CEACAM7: variants seen among roughly 807,000 people sequenced by gnomAD.
The protein encoded by CEACAM7 is CEA cell adhesion molecule 7.
In CEACAM7, 24 loss-of-function variants were observed where a neutral mutation model predicts 25.7. The observed-to-expected ratio is 0.93, with a 90% CI of 0.68 to 1.31. The LOEUF is 1.31. CEACAM7 is among the 40% of genes most tolerant of loss of function. The probability of loss-of-function intolerance (pLI) is 0.00; values close to 1 mark genes in which losing one functional copy is unlikely to be tolerated. For missense variants in CEACAM7, 324 were observed against 330.1 expected, an observed-to-expected ratio of 0.98 and a Z score of 0.14; for synonymous variants, 144 against 129.4, an observed-to-expected ratio of 1.11 and a Z score of -0.77.
At chr19:41,686,781 C>A (rs1290522931) in intron 2 of CEACAM7, 78 bp downstream of exon 2, 1 of 1,449,964 alleles carries the variant, frequency 6.9e-7, no homozygotes, top group African/African-American at 1.4e-5. Context: ...GACACAGGCA[C>A]AACCCAGGCC....
rs896288188 is a variant in CEACAM7 at position 41,678,240 on chromosome 19, T to C, written c.707-737A>G. Among the ~76,000 whole-genome samples the C allele has an allele frequency of 3.9e-5, 6 of 152,226 alleles. No homozygotes were observed. In the East Asian group the frequency reaches 1.2e-3, roughly 29 times the overall value. ...GCTTGAGACTTCATATTTAACTCTG[T>C]TCTTTTCCCTCTCCCATATTAATCA... On this transcript the variant is annotated intron_variant, in intron 3 of 4. Coordinates refer to ENST00000401731, the MANE Select transcript of CEACAM7 (RefSeq NM_001291485.2).
intron 3 of CEACAM7, among the ~76,000 whole-genome samples, chr19:41,678,086 T>C (rs1555810320): frequency 1.3e-5 from 2 of 152,176 alleles, no homozygotes; most frequent in Non-Finnish European, 2.9e-5. Flanking sequence ...TGCATCATGA[T>C]CTGAGGGCTC....
chr19:41,685,349 C>T (rs1437917923), intron 2 of CEACAM7, among the ~76,000 whole-genome samples: 3 of 128,078 alleles, frequency 2.3e-5, no homozygotes, highest in Non-Finnish European at 5.2e-5. Flanking sequence ...CTATGTTGCC[C>T]AGGCTGGTCT....
rs2072085107 is a variant in CEACAM7 at position 41,673,467 on chromosome 19, T to G, written c.*1309A>C. ...TATAAATAAATTGATTTAAATAAACTGATTGGTTAATTTCAGAATACTTCA... is the reference window on the plus strand; with the variant it reads ...TATAAATAAATTGATTTAAATAAACGGATTGGTTAATTTCAGAATACTTCA... On this transcript the variant is annotated 3_prime_UTR_variant, in exon 5 of 5. Transcript: ENST00000401731. 6.6e-6 allele frequency: 1 copy of G among 152,222 alleles called. No individual in the cohort carries two copies. The highest frequency in any genetic ancestry group is 1.5e-5 in the Non-Finnish European group (1 of 68,040). 9.4% of individuals were successfully genotyped at this position (152,222 alleles called of 1,614,324 possible). A position where few individuals can be genotyped will look rare whatever the true frequency, so the allele number is the denominator to read the frequency against.
intron 4 of CEACAM7, among the ~76,000 whole-genome samples, chr19:41,676,517 C>T (rs2072115111): frequency 6.6e-6 from 1 of 152,200 alleles, no homozygotes; most frequent in African/African-American, 2.4e-5. Flanking sequence ...TGAGCCAATG[C>T]ACCTGGCCCT....
In CEACAM7 at chr19:41,680,950, A is replaced by G. The variant is rs1485653320; in HGVS notation, c.706+2835T>C. On this transcript the variant is annotated intron_variant, in intron 3 of 4. Transcript: ENST00000401731. Reference sequence around the variant, plus strand: ...TCATAAAAAATAAGATCTTCTCTACATCAAAGGACATTATCCAGAAAGTGA... The same window carrying G: ...TCATAAAAAATAAGATCTTCTCTACGTCAAAGGACATTATCCAGAAAGTGA... Among the ~76,000 whole-genome samples, 6 of 152,180 alleles carry G rather than the reference A, an allele frequency of 3.9e-5. No individual in the cohort carries two copies. The East Asian group carries it at 1.2e-3, about 29-fold the overall frequency.
chr19:41,685,856 T>C (rs1555811137), intron 2 of CEACAM7, among the ~76,000 whole-genome samples: 1 of 152,180 alleles, frequency 6.6e-6, no homozygotes, highest in African/African-American at 2.4e-5. Context: ...CACTTCTGGC[T>C]TGGATGCCTA....
At chr19:41,678,524 G>A (rs1299733239) in intron 3 of CEACAM7, among the ~76,000 whole-genome samples, 1 of 152,078 alleles carries the variant, frequency 6.6e-6, no homozygotes, top group Non-Finnish European at 1.5e-5. Context: ...AGCTACTGTT[G>A]AGGGGTGCTT....
chr19:41,688,263 A>G lies in CEACAM7; in HGVS notation c.-98T>C. 1 of 1,494,910 alleles carries G rather than the reference A, an allele frequency of 6.7e-7. No individual in the cohort carries two copies. Among genetic ancestry groups the G allele is most frequent in the South Asian group, 1.3e-5 (1 of 76,194 alleles). The allele number at this position is 1,494,910 out of a possible 1,614,324, so 92.6% of individuals were successfully genotyped here. On this transcript the variant is annotated 5_prime_UTR_variant, in exon 1 of 5. Coordinates refer to ENST00000401731, the MANE Select transcript of CEACAM7 (RefSeq NM_001291485.2). ...GACTGTCAGCTCTGCTGTCCTTCCT[A>G]CCTCTGTGCTGAGCCTCCTCCCAGG...
intron 2 of CEACAM7, 69 bp from the exon 3 acceptor site, chr19:41,684,132 T>C: frequency 6.4e-7 from 1 of 1,559,880 alleles, no homozygotes; most frequent in Non-Finnish European, 8.7e-7. Flanking sequence ...CATCTTTCAA[T>C]CAGAGTTGGC....
In CEACAM7 at chr19:41,674,126, C is replaced by A. The variant is rs1336760446; in HGVS notation, c.*650G>T. The A allele has an allele frequency of 6.6e-6, 1 of 152,242 alleles. No individual in the cohort carries two copies. Among genetic ancestry groups the A allele is most frequent in the Non-Finnish European group, 1.5e-5 (1 of 68,050 alleles). 9.4% of individuals were successfully genotyped at this position (152,242 alleles called of 1,614,324 possible). A position where few individuals can be genotyped will look rare whatever the true frequency, so the allele number is the denominator to read the frequency against. On this transcript the variant is annotated 3_prime_UTR_variant, in exon 5 of 5. Transcript: ENST00000401731. ...GCAACTGCACAAACTCCTCCCTGTT[C>A]AGCTAGTAGGCAGCAATTCTGTTAT...
At chr19:41,684,413 G>C (rs1555811025) in intron 2 of CEACAM7, among the ~76,000 whole-genome samples, 2 of 152,178 alleles carry the variant, frequency 1.3e-5, no homozygotes, top group Non-Finnish European at 2.9e-5. Flanking sequence ...GAATGGGCAG[G>C]AGCTGAGTTC....
rs782814627 is a variant in CEACAM7, at chr19:41,687,202, C to G, written c.84G>C (p.Trp28Cys). The G allele has an allele frequency of 2.1e-5, 34 of 1,605,006 alleles. No homozygotes were observed. The highest frequency in any genetic ancestry group is 2.7e-5 in the Non-Finnish European group (32 of 1,174,842). ...TGGTCTGGGCACTGTTTGGCAGGTT[C>G]CAGAAGGTTAAAAGCGAGGCTAGGA... ...LLLTASLLTF[W>C]NLPNSAQTNI... Residue 28 changes from tryptophan (W) to cysteine (C), a missense_variant, in exon 2 of 5, where the codon TGG (tryptophan) becomes TGC (cysteine). Transcript: ENST00000401731.
rs782398173 is a variant in CEACAM7, at chr19:41,686,875, T to G, written c.411A>C (p.Arg137Ser). The G allele has an allele frequency of 6.5e-7, 1 of 1,529,294 alleles. No homozygotes were observed. Among genetic ancestry groups the G allele is most frequent in the East Asian group, 2.3e-5 (1 of 44,300 alleles). 94.7% of individuals were successfully genotyped at this position (1,529,294 alleles called of 1,614,324 possible). ...KENLVNEEVT[R>S]QFYVFSEPPK... Reference sequence around the variant, plus strand: ...ATCACTCACAGAATACGTAGAATTGTCTGGTTACTTCTTCATTCACAAGAT... The same window carrying G: ...ATCACTCACAGAATACGTAGAATTGGCTGGTTACTTCTTCATTCACAAGAT... Residue 137 changes from arginine (R) to serine (S), a missense_variant, in exon 2 of 5, where the codon AGA becomes AGC. Physicochemically the swap from Arg to Ser is moderately radical, Grantham distance 110 (BLOSUM62 -1). Transcript: ENST00000401731.
chr19:41,685,293 T>TCAACACC lies in CEACAM7; in HGVS notation c.428-1237_428-1231dup, dbSNP rs2072215647. 3.3e-5 allele frequency among the ~76,000 whole-genome samples: 5 copies of TCAACACC among 152,064 alleles called. No individual in the cohort carries two copies. The South Asian group carries it at 1.0e-3, about 32-fold the overall frequency. The stretch of plus-strand genomic sequence containing the variant: ...CCAAGCATTTACACAGTCATGAGAC[T>TCAACACC]CAACACCTGGGTGGCTTCTTTTTTT... On this transcript the variant is annotated intron_variant, in intron 2 of 4. Coordinates refer to ENST00000401731, the MANE Select transcript of CEACAM7 (RefSeq NM_001291485.2).
Position 41,683,649 on chromosome 19 carries a change from A to G in CEACAM7, c.706+136T>C, listed in dbSNP as rs1368209930. On this transcript the variant is annotated intron_variant, in intron 3 of 4. Coordinates refer to ENST00000401731, the MANE Select transcript of CEACAM7 (RefSeq NM_001291485.2). ...GGGTCTGCCCAGGTTTGCTTGTGGCAGAAAGTCATGGCCAGCCTGGGTGCC... is the reference window on the plus strand; with the variant it reads ...GGGTCTGCCCAGGTTTGCTTGTGGCGGAAAGTCATGGCCAGCCTGGGTGCC... 3 of 1,401,610 alleles carry G rather than the reference A, an allele frequency of 2.1e-6. No individual in the cohort carries two copies. The African/African-American group carries it at 4.3e-5, about 20-fold the overall frequency. 86.8% of individuals were successfully genotyped at this position (1,401,610 alleles called of 1,614,324 possible).
At position 41,686,990 on chromosome 19, in the gene CEACAM7, C is replaced by T. The variant is rs201544117; in HGVS notation, c.296G>A (p.Arg99Gln). Residue 99 changes from arginine (R) to glutamine (Q), a missense_variant, in exon 2 of 5, where the codon CGA (arginine) becomes CAA (glutamine). Physicochemically the swap from Arg to Gln is conservative, Grantham distance 43 (BLOSUM62 1). Coordinates refer to ENST00000401731, the MANE Select transcript of CEACAM7 (RefSeq NM_001291485.2). ...ENAPGPAHNG[R>Q]ETIYPNGTLL... ...GGTTCCATTGGGGTATATTGTCTCT[C>T]GACCGTTGTGTGCGGGCCCTGGGGC... 124 of 1,613,122 alleles carry T rather than the reference C, an allele frequency of 7.7e-5. No individual in the cohort carries two copies. The highest frequency in any genetic ancestry group is 1.8e-4 in the East Asian group (8 of 44,888).
At position 41,683,990 on chromosome 19, in the gene CEACAM7, G is replaced by T. The variant is rs782602673; in HGVS notation, c.501C>A (p.Thr167=). ...TTGTGTTCTGAGTCTCAGGTTGACA[G>T]GTTAAAACCACAATATCTTTGTTCT... is the stretch of plus-strand genomic sequence containing the variant. ...PVENKDIVVL[T]CQPETQNTTY... Residue 167 remains threonine, a synonymous_variant, in exon 3 of 5, where the codon ACC becomes ACA. Transcript: ENST00000401731. 6.2e-7 allele frequency: 1 copy of T among 1,614,172 alleles called. No individual in the cohort carries two copies. The highest frequency in any genetic ancestry group is 1.1e-5 in the South Asian group (1 of 91,084).
At chr19:41,681,401 A>G (rs1281538230) in intron 3 of CEACAM7, among the ~76,000 whole-genome samples, 1 of 152,196 alleles carries the variant, frequency 6.6e-6, no homozygotes, top group Non-Finnish European at 1.5e-5. Flanking sequence ...AAGCATTACC[A>G]TTTGATGCAG....
Sources: allele counts gnomAD v4.1 joint callset (sites outside exome capture counted in the v4.1 genomes callset), GRCh38; gene constraint gnomAD v4.1.1; transcripts MANE v1.5; gene names NCBI Gene and HGNC (gene_info 2026-07-23, HGNC 2026-07-21).